Variants in NKX1-2 observed in about 807,000 individuals in gnomAD.
NKX1-2 encodes NK1 homeobox 2.
Under a neutral mutation model 4.4 loss-of-function variants are expected in NKX1-2, and 1 was observed. The ratio of observed to expected loss-of-function variants is 0.23; its 90% CI spans 0.08 to 1.08. The LOEUF (loss-of-function observed/expected upper bound fraction) is 1.08. Among genes scored for constraint, NKX1-2 ranks in the 50% least tolerant of loss-of-function variants. NKX1-2 has a pLI of 0.55. For missense variants in NKX1-2, 503 were observed against 464.6 expected (o/e 1.08, Z -0.76); for synonymous variants, 235 against 228.0 (o/e 1.03, Z -0.28).
chr10:124,446,803 G>T lies in NKX1-2; in HGVS notation c.*626C>A, dbSNP rs1440025144. The T allele has an allele frequency of 6.6e-6, 1 of 152,188 alleles. No individual in the cohort carries two copies. The highest frequency in any genetic ancestry group is 1.5e-5 in the Non-Finnish European group (1 of 68,044). 9.4% of individuals were successfully genotyped at this position (152,188 alleles called of 1,614,324 possible). A position where few individuals can be genotyped will look rare whatever the true frequency, so the allele number is the denominator to read the frequency against. ...CCCCCTCTCTCAGGAATAGCCTGGG[G>T]AGGTTATTTGGAACAAGTATTGTGT... On this transcript the variant is annotated 3_prime_UTR_variant, in exon 2 of 2. Coordinates refer to ENST00000451024, the MANE Select transcript of NKX1-2 (RefSeq NM_001146340.3).
Position 124,447,874 on chromosome 10 carries a change from G to A in NKX1-2, c.488C>T (p.Pro163Leu), listed in dbSNP as rs1244265599. The A allele has an allele frequency of 2.1e-6, 3 of 1,446,752 alleles. No homozygotes were observed. The highest frequency in any genetic ancestry group is 1.5e-5 in the African/African-American group (1 of 67,226). The allele number at this position is 1,446,752 out of a possible 1,614,324, so 89.6% of individuals were successfully genotyped here. ...RRRLEPNCAKPRRARTAFTYE... is the reference protein window; with the variant it reads ...RRRLEPNCAKLRRARTAFTYE... ...GGTGAAGGCGGTGCGCGCGCGCCGC[G>A]GCTTGGCGCAGTTGGGCTCCAGGCG... Residue 163 changes from proline to leucine, a missense_variant, in exon 2 of 2, where the codon CCG becomes CTG. Coordinates refer to ENST00000451024, the MANE Select transcript of NKX1-2 (RefSeq NM_001146340.3).
At position 124,447,622 on chromosome 10, in the gene NKX1-2, C is replaced by T. The variant is rs1334239855; in HGVS notation, c.740G>A (p.Gly247Asp). The change falls in exon 2 of 2, where the codon GGC becomes GAC. Residue 247 changes from glycine (G) to aspartate (D), a missense_variant. Physicochemically the swap from Gly to Asp is moderately conservative, Grantham distance 94. Transcript: ENST00000451024. ...QPGAAGGGGG[G>D]GSGGSPGPPG... ...AGGGCCAGGACTGCCCCCCGAGCCG[C>T]CGCCGCCGCCGCCCCCCGCCGCCCC... 2.2e-4 allele frequency: 279 copies of T among 1,278,122 alleles called. 1 individual carries two copies. The highest frequency in any genetic ancestry group is 2.7e-4 in the Non-Finnish European group (270 of 1,014,138). The allele number at this position is 1,278,122 out of a possible 1,614,324, so 79.2% of individuals were successfully genotyped here.
Position 124,449,612 on chromosome 10 carries a change from C to A in NKX1-2, c.214+118G>T. 1 of 801,468 alleles carries A rather than the reference C, an allele frequency of 1.2e-6. No individual in the cohort carries two copies. Among genetic ancestry groups the A allele is most frequent in the South Asian group, 1.4e-5 (1 of 69,096 alleles). 49.6% of individuals were successfully genotyped at this position (801,468 alleles called of 1,614,324 possible). A position where few individuals can be genotyped will look rare whatever the true frequency, so the allele number is the denominator to read the frequency against. On this transcript the variant is annotated intron_variant, in intron 1 of 1. Coordinates refer to ENST00000451024, the MANE Select transcript of NKX1-2 (RefSeq NM_001146340.3). The surrounding 1 kb of genome is among the most constrained non-coding windows in gnomAD (Gnocchi z 7.5). ...GCTACACTTCGCACCCGGTCCCGTG[C>A]GCCTTCTCTCTGAGGAAGACGCTGT...
chr10:124,447,901 C>G lies in NKX1-2; in HGVS notation c.461G>C (p.Arg154Pro). 6 of 1,410,544 alleles carry G rather than the reference C, an allele frequency of 4.3e-6. No homozygotes were observed. The highest frequency in any genetic ancestry group is 5.6e-6 in the Non-Finnish European group (6 of 1,077,510). 87.4% of individuals were successfully genotyped at this position (1,410,544 alleles called of 1,614,324 possible). ...GSPGSPRPRR[R>P]RLEPNCAKPR... ...CTTGGCGCAGTTGGGCTCCAGGCGC[C>G]GGCGCCTGGGACGCGGGGAGCCGGG... Residue 154 changes from arginine to proline, a missense_variant, in exon 2 of 2, where the codon CGG (arginine) becomes CCG (proline). Coordinates refer to ENST00000451024, the MANE Select transcript of NKX1-2 (RefSeq NM_001146340.3).
Position 124,449,749 on chromosome 10 carries a change from G to T in NKX1-2, c.195C>A (p.Val65=). 6.4e-7 allele frequency: 1 copy of T among 1,551,444 alleles called. No homozygotes were observed. Among genetic ancestry groups the T allele is most frequent in the South Asian group, 1.2e-5 (1 of 84,070 alleles). ...TCTTACCAGGGGTCTCCAGCTGTCG[G>T]ACAGGGTCCCTGGAGCTGGCATCTT... ...AGKDASSRDP[V]RQLETPDAAG... Residue 65 remains valine, a synonymous_variant, in exon 1 of 2, where the codon GTC becomes GTA. Coordinates refer to ENST00000451024, the MANE Select transcript of NKX1-2 (RefSeq NM_001146340.3). This position sits in a 1 kb window ranked among gnomAD's most constrained non-coding sequence, Gnocchi z 7.5.
rs753377738 is a variant in NKX1-2, at chr10:124,449,423, C to T, written c.214+307G>A. 20 of 632,572 alleles carry T rather than the reference C, an allele frequency of 3.2e-5. No homozygotes were observed. The highest frequency in any genetic ancestry group is 1.1e-4 in the South Asian group (7 of 66,136). The allele number at this position is 632,572 out of a possible 1,614,324, so 39.2% of individuals were successfully genotyped here. On this transcript the variant is annotated intron_variant, in intron 1 of 1. Coordinates refer to ENST00000451024, the MANE Select transcript of NKX1-2 (RefSeq NM_001146340.3). The surrounding 1 kb of genome is among the most constrained non-coding windows in gnomAD (Gnocchi z 7.5). ...AGCACGTGGCAAGCGCATTAAATGC[C>T]CGATAAATGAGTAAGCCTGGCAAGA...
In NKX1-2 at chr10:124,447,520, G is replaced by A; in HGVS notation, c.842C>T (p.Ser281Phe). The A allele has an allele frequency of 7.8e-7, 1 of 1,274,134 alleles. No individual in the cohort carries two copies. Among genetic ancestry groups the A allele is most frequent in the Non-Finnish European group, 9.9e-7 (1 of 1,006,484 alleles). The allele number at this position is 1,274,134 out of a possible 1,614,324, so 78.9% of individuals were successfully genotyped here. A position where few individuals can be genotyped will look rare whatever the true frequency, so the allele number is the denominator to read the frequency against. Reference protein sequence around the residue: ...AANVLFPSAASFPLTAAAPGS... With the variant: ...AANVLFPSAAFFPLTAAAPGS... ...GGGGGCGGCAGCCGTCAGCGGGAAGGAGGCGGCGGACGGGAAGAGGACATT... is the reference window on the plus strand; with the variant it reads ...GGGGGCGGCAGCCGTCAGCGGGAAGAAGGCGGCGGACGGGAAGAGGACATT... Residue 281 changes from serine (S) to phenylalanine (F), a missense_variant, in exon 2 of 2, where the codon TCC (serine) becomes TTC (phenylalanine). Coordinates refer to ENST00000451024, the MANE Select transcript of NKX1-2 (RefSeq NM_001146340.3).
rs1437104270 is a variant in NKX1-2, at chr10:124,448,047, C to G, written c.315G>C (p.Glu105Asp). Reference protein sequence around the residue: ...AEDPRRPRLRERAARLLPGLA... With the variant: ...AEDPRRPRLRDRAARLLPGLA... ...GGCCCGGCAGCAAGCGCGCAGCCCG[C>G]TCCCGCAGCCGCGGCCTCCTCGGAT... The change falls in exon 2 of 2, where the codon GAG (glutamate) becomes GAC (aspartate). Residue 105 changes from glutamate to aspartate, a missense_variant. Coordinates refer to ENST00000451024, the MANE Select transcript of NKX1-2 (RefSeq NM_001146340.3). This position sits in a 1 kb window ranked among gnomAD's most constrained non-coding sequence, Gnocchi z 4.1. The G allele has an allele frequency of 7.9e-6, 12 of 1,519,552 alleles. No homozygotes were observed. The highest frequency in any genetic ancestry group is 1.1e-5 in the Non-Finnish European group (12 of 1,138,868). 94.1% of individuals were successfully genotyped at this position (1,519,552 alleles called of 1,614,324 possible).
Position 124,449,907 on chromosome 10 carries a change from G to C in NKX1-2, c.37C>G (p.Pro13Ala). 1.9e-6 allele frequency: 3 copies of C among 1,549,162 alleles called. No individual in the cohort carries two copies. Among genetic ancestry groups the C allele is most frequent in the Admixed American group, 2.0e-5 (1 of 50,980 alleles). Reference protein sequence around the residue: ...AWQDGGAKAAPSHHKISFSVL... With the variant: ...AWQDGGAKAAASHHKISFSVL... The stretch of plus-strand genomic sequence containing the variant: ...GAGAAAGAAATCTTGTGGTGGGAGG[G>C]AGCCGCCTTGGCCCCGCCGTCCTGC... The change falls in exon 1 of 2, where the codon CCC becomes GCC. Residue 13 changes from proline (P) to alanine (A), a missense_variant. By Grantham distance (27) the Pro-to-Ala change is conservative (BLOSUM62 -1). Coordinates refer to ENST00000451024, the MANE Select transcript of NKX1-2 (RefSeq NM_001146340.3). The surrounding 1 kb of genome is among the most constrained non-coding windows in gnomAD (Gnocchi z 7.5).
In NKX1-2 at chr10:124,448,379, AAATG is replaced by A. The variant is rs775414805; in HGVS notation, c.215-236_215-233del. On this transcript the variant is annotated intron_variant, in intron 1 of 1. Transcript: ENST00000451024. The surrounding 1 kb of genome is among the most constrained non-coding windows in gnomAD (Gnocchi z 4.1). ...AGTAGGCGTCCAAGAAATGTACGCC[AAATG>A]AATGAATGACACCCCGCATTAAGAA... 2 of 497,320 alleles carry A rather than the reference AAATG, an allele frequency of 4.0e-6. No homozygotes were observed. Among genetic ancestry groups the A allele is most frequent in the Non-Finnish European group, 3.2e-6 (1 of 314,956 alleles). The allele number at this position is 497,320 out of a possible 1,614,324, so 30.8% of individuals were successfully genotyped here. A position where few individuals can be genotyped will look rare whatever the true frequency, so the allele number is the denominator to read the frequency against.
Position 124,449,526 on chromosome 10 carries a change from A to C in NKX1-2, c.214+204T>G. 1 of 700,184 alleles carries C rather than the reference A, an allele frequency of 1.4e-6. No homozygotes were observed. The highest frequency in any genetic ancestry group is 2.0e-5 in the Admixed American group (1 of 49,936). 43.4% of individuals were successfully genotyped at this position (700,184 alleles called of 1,614,324 possible). A position where few individuals can be genotyped will look rare whatever the true frequency, so the allele number is the denominator to read the frequency against. Reference sequence around the variant, plus strand: ...CTTGGCGGGTGAGCAGGGATGCGGCAAATCCCTGCCCTGTAATGCGGGGAG... The same window carrying C: ...CTTGGCGGGTGAGCAGGGATGCGGCCAATCCCTGCCCTGTAATGCGGGGAG... On this transcript the variant is annotated intron_variant, in intron 1 of 1. Transcript: ENST00000451024. The surrounding 1 kb of genome is among the most constrained non-coding windows in gnomAD (Gnocchi z 7.5).
rs113259466 is a variant in NKX1-2, at chr10:124,447,324, T to C, written c.*105A>G. 120 of 814,426 alleles carry C rather than the reference T, an allele frequency of 1.5e-4. No individual in the cohort carries two copies. Among genetic ancestry groups the C allele is most frequent in the South Asian group, 3.1e-4 (5 of 15,906 alleles). 50.4% of individuals were successfully genotyped at this position (814,426 alleles called of 1,614,324 possible). A position where few individuals can be genotyped will look rare whatever the true frequency, so the allele number is the denominator to read the frequency against. On this transcript the variant is annotated 3_prime_UTR_variant, in exon 2 of 2. Transcript: ENST00000451024. ...CGCGGGTGCGCGCGGCGGGCAGGGG[T>C]GCGCTGACACCCGCGCACCTGCACC... is the stretch of plus-strand genomic sequence containing the variant.
chr10:124,447,826 T>C lies in NKX1-2; in HGVS notation c.536A>G (p.Glu179Gly), dbSNP rs1010973707. 25 of 1,474,200 alleles carry C rather than the reference T, an allele frequency of 1.7e-5. No homozygotes were observed. The highest frequency in any genetic ancestry group is 2.9e-5 in the African/African-American group (2 of 68,134). 91.3% of individuals were successfully genotyped at this position (1,474,200 alleles called of 1,614,324 possible). Residue 179 changes from glutamate (E) to glycine (G), a missense_variant, in exon 2 of 2, where the codon GAG (glutamate) becomes GGG (glycine). Transcript: ENST00000451024. ...GTAGCGCGTGGCCCGGAACTTGTTCTCCAAGGCCACCAGCTGCTCGTAGGT... is the reference window on the plus strand; with the variant it reads ...GTAGCGCGTGGCCCGGAACTTGTTCCCCAAGGCCACCAGCTGCTCGTAGGT... ...AFTYEQLVAL[E>G]NKFRATRYLS...
chr10:124,449,496 G>A lies in NKX1-2; in HGVS notation c.214+234C>T, dbSNP rs1334444026. 7 of 695,128 alleles carry A rather than the reference G, an allele frequency of 1.0e-5. No homozygotes were observed. Among genetic ancestry groups the A allele is most frequent in the South Asian group, 3.0e-5 (2 of 66,702 alleles). The allele number at this position is 695,128 out of a possible 1,614,324, so 43.1% of individuals were successfully genotyped here. A position where few individuals can be genotyped will look rare whatever the true frequency, so the allele number is the denominator to read the frequency against. ...CGCGAGCATCAGAACTGTGGTGCGG[G>A]TGAGCTTGGCGGGTGAGCAGGGATG... On this transcript the variant is annotated intron_variant, in intron 1 of 1. Coordinates refer to ENST00000451024, the MANE Select transcript of NKX1-2 (RefSeq NM_001146340.3). The surrounding 1 kb of genome is among the most constrained non-coding windows in gnomAD (Gnocchi z 7.5).
rs1173230625 is a variant in NKX1-2, at chr10:124,447,611, C to A, written c.751G>T (p.Gly251Cys). 1 of 1,280,304 alleles carries A rather than the reference C, an allele frequency of 7.8e-7. No homozygotes were observed. The highest frequency in any genetic ancestry group is 9.8e-7 in the Non-Finnish European group (1 of 1,015,646). The allele number at this position is 1,280,304 out of a possible 1,614,324, so 79.3% of individuals were successfully genotyped here. A position where few individuals can be genotyped will look rare whatever the true frequency, so the allele number is the denominator to read the frequency against. The part of the protein sequence containing the change: ...AGGGGGGGSG[G>C]SPGPPGTGAL... ...CCGGTGCCGGGAGGGCCAGGACTGC[C>A]CCCCGAGCCGCCGCCGCCGCCGCCC... Residue 251 changes from glycine (G) to cysteine (C), a missense_variant, in exon 2 of 2, where the codon GGC becomes TGC. Transcript: ENST00000451024.
rs1198806335 is a variant in NKX1-2, at chr10:124,447,894, C to T, written c.468G>A (p.Leu156=). The change falls in exon 2 of 2, where the codon CTG becomes CTA. Residue 156 remains leucine, a synonymous_variant. Transcript: ENST00000451024. ...PGSPRPRRRR[L]EPNCAKPRRA... ...GCCGCGGCTTGGCGCAGTTGGGCTC[C>T]AGGCGCCGGCGCCTGGGACGCGGGG... The T allele has an allele frequency of 9.8e-6, 14 of 1,427,386 alleles. No individual in the cohort carries two copies. Among genetic ancestry groups the T allele is most frequent in the Non-Finnish European group, 1.3e-5 (14 of 1,085,400 alleles). The allele number at this position is 1,427,386 out of a possible 1,614,324, so 88.4% of individuals were successfully genotyped here.
chr10:124,447,685 TC>T lies in NKX1-2; in HGVS notation c.676del (p.Asp226ThrfsTer59). The T allele has an allele frequency of 7.1e-7, 1 of 1,409,380 alleles. No homozygotes were observed. Among genetic ancestry groups the T allele is most frequent in the Non-Finnish European group, 9.3e-7 (1 of 1,070,588 alleles). 87.3% of individuals were successfully genotyped at this position (1,409,380 alleles called of 1,614,324 possible). A position where few individuals can be genotyped will look rare whatever the true frequency, so the allele number is the denominator to read the frequency against. ...GCCACCCCCCACCTGCGCCGCGCCG[TC>T]GGCACCCGGGTTCTGCTTCTTCCAC... ...TKWKKQNPGA[D>X]GAAQVGGGAP... On this transcript the variant is annotated frameshift_variant, in exon 2 of 2. Coordinates refer to ENST00000451024, the MANE Select transcript of NKX1-2 (RefSeq NM_001146340.3). LOFTEE classifies it low-confidence loss of function (END_TRUNC).
chr10:124,445,421 C>T lies in NKX1-2; in HGVS notation c.*2008G>A, dbSNP rs1312609334. 1 of 152,180 alleles carries T rather than the reference C, an allele frequency of 6.6e-6. No homozygotes were observed. Among genetic ancestry groups the T allele is most frequent in the Non-Finnish European group, 1.5e-5 (1 of 68,050 alleles). 9.4% of individuals were successfully genotyped at this position (152,180 alleles called of 1,614,324 possible). A position where few individuals can be genotyped will look rare whatever the true frequency, so the allele number is the denominator to read the frequency against. On this transcript the variant is annotated 3_prime_UTR_variant, in exon 2 of 2. Coordinates refer to ENST00000451024, the MANE Select transcript of NKX1-2 (RefSeq NM_001146340.3). Reference sequence around the variant, plus strand: ...GGAATTACAGCACCGTGCTGGGCCACGAACAGATCAGCCTCCCACCTCTCT... The same window carrying T: ...GGAATTACAGCACCGTGCTGGGCCATGAACAGATCAGCCTCCCACCTCTCT...
rs1169918743 is a variant in NKX1-2 at position 124,449,025 on chromosome 10, C to T, written c.214+705G>A. 6.6e-6 allele frequency among the ~76,000 whole-genome samples: 1 copy of T among 152,256 alleles called. No individual in the cohort carries two copies. Among genetic ancestry groups the T allele is most frequent in the African/African-American group, 2.4e-5 (1 of 41,478 alleles). On this transcript the variant is annotated intron_variant, in intron 1 of 1. Transcript: ENST00000451024. The surrounding 1 kb of genome is among the most constrained non-coding windows in gnomAD (Gnocchi z 7.5). ...CTTTCCCTGTCTGATCCCAGCAGGA[C>T]TCCTGCTGTCTTCCGTCCTTCCTTC...
Sources: gnomAD v4.1 joint callset for allele counts (sites outside exome capture counted in the v4.1 genomes callset) on GRCh38, gnomAD v4.1.1 for gene constraint, Gnocchi (gnomAD v3.1) non-coding constraint, MANE v1.5 for transcripts, NCBI Gene and HGNC (gene_info 2026-07-23, HGNC 2026-07-21) for gene names.